PDZD8: variants seen among roughly 807,000 people sequenced by gnomAD.
PDZD8 encodes PDZ domain-containing protein 8.
A neutral mutation model predicts 85.8 loss-of-function variants in PDZD8; 14 were observed. The ratio of observed to expected loss-of-function variants is 0.16; its 90% CI spans 0.11 to 0.26. The LOEUF is 0.26. Ranked by LOEUF, PDZD8 falls within the 10% of genes least tolerant of loss-of-function variation. The pLI is 1.00. For synonymous variants in PDZD8, 592 were observed against 568.6 expected, an observed-to-expected ratio of 1.04 and a Z score of -0.59; for missense variants, 1,197 against 1,424.3, an observed-to-expected ratio of 0.84 and a Z score of 2.57.
At chr10:117,366,571 C>G (rs1271079393) in intron 1 of PDZD8, among the ~76,000 whole-genome samples, 1 of 149,528 alleles carries the variant, frequency 6.7e-6, no homozygotes, top group African/African-American at 2.5e-5. Flanking sequence ...CCACTACCAC[C>G]ACCACCACTG....
intron 4 of PDZD8, among the ~76,000 whole-genome samples, chr10:117,288,239 G>A (rs574720393): frequency 6.6e-6 from 1 of 152,050 alleles, no homozygotes; most frequent in Admixed American, 6.6e-5. Flanking sequence ...ATGAATCAAA[G>A]CGATATAAAA....
chr10:117,313,374 C>T (rs1464710332), intron 3 of PDZD8, among the ~76,000 whole-genome samples: 1 of 152,082 alleles, frequency 6.6e-6, no homozygotes, highest in Non-Finnish European at 1.5e-5. Context: ...TCAAATAAAA[C>T]ATTACTAAAA....
chr10:117,339,006 C>A (rs1417337945), intron 2 of PDZD8, among the ~76,000 whole-genome samples: 1 of 151,806 alleles, frequency 6.6e-6, no homozygotes, highest in Non-Finnish European at 1.5e-5. Context: ...CTGTACACTG[C>A]AGTTCCTTTT....
chr10:117,319,072 AT>A (rs904779172), intron 2 of PDZD8, 98 bp from the exon 3 acceptor site: 14 of 770,306 alleles, frequency 1.8e-5, no homozygotes, highest in Non-Finnish European at 2.4e-5. Context: ...ACATTACTCC[AT>A]TACTATTATA....
At chr10:117,293,666 A>ATT (rs1843705794) in intron 3 of PDZD8, among the ~76,000 whole-genome samples, 1 of 152,132 alleles carries the variant, frequency 6.6e-6, no homozygotes, top group Admixed American at 6.5e-5. Flanking sequence ...AGCAACCAAT[A>ATT]TAACTAGAAA....
intron 2 of PDZD8, among the ~76,000 whole-genome samples, chr10:117,321,369 A>G (rs1295017426): frequency 1.3e-5 from 2 of 152,180 alleles, no homozygotes; most frequent in Admixed American, 6.6e-5. Context: ...AAAAACTTCT[A>G]AGTGAAATAA....
At chr10:117,365,725 ACT>A (rs892904437) in intron 1 of PDZD8, among the ~76,000 whole-genome samples, 3 of 152,162 alleles carry the variant, frequency 2.0e-5, no homozygotes, top group African/African-American at 7.2e-5. Flanking sequence ...TTTTGAAACT[ACT>A]CTGTAAAACA....
chr10:117,361,720 A>G (rs1166963122), intron 1 of PDZD8, among the ~76,000 whole-genome samples: 1 of 152,182 alleles, frequency 6.6e-6, no homozygotes, highest in East Asian at 1.9e-4. Context: ...CTCCACGTCT[A>G]TGGGTTCTGC....
In PDZD8 at chr10:117,278,341, T is replaced by G. The variant is rs1245588470; in HGVS notation, c.*4927A>C. The G allele has an allele frequency of 6.6e-6, 1 of 152,218 alleles. No homozygotes were observed. Among genetic ancestry groups the G allele is most frequent in the African/African-American group, 2.4e-5 (1 of 41,462 alleles). The allele number at this position is 152,218 out of a possible 1,614,324, so 9.4% of individuals were successfully genotyped here. A position where few individuals can be genotyped will look rare whatever the true frequency, so the allele number is the denominator to read the frequency against. On this transcript the variant is annotated 3_prime_UTR_variant, in exon 5 of 5. Transcript: ENST00000334464. ...GAAAATGAAGAATGAAATTATGTCT[T>G]GAATCATATATTAAGAAGTAAAAAT...
intron 3 of PDZD8, among the ~76,000 whole-genome samples, chr10:117,314,917 C>T (rs763030450): frequency 2.6e-5 from 4 of 152,150 alleles, no homozygotes; most frequent in Non-Finnish European, 5.9e-5. Context: ...GAATGCAGAG[C>T]GTGGTAGGTT....
intron 3 of PDZD8, among the ~76,000 whole-genome samples, chr10:117,313,140 G>C (rs559670403): frequency 6.6e-6 from 1 of 152,084 alleles, no homozygotes; most frequent in African/African-American, 2.4e-5. Context: ...GTGTAAATCT[G>C]AAGATTATAC....
At chr10:117,340,328 C>T (rs1459105890) in intron 2 of PDZD8, among the ~76,000 whole-genome samples, 2 of 152,200 alleles carry the variant, frequency 1.3e-5, no homozygotes, top group Admixed American at 6.5e-5. Flanking sequence ...GCAAAGAACT[C>T]TGCGAAGTCA....
In PDZD8 at chr10:117,282,738, A is replaced by C. The variant is rs948200015; in HGVS notation, c.*530T>G. 2 of 152,280 alleles carry C rather than the reference A, an allele frequency of 1.3e-5. No homozygotes were observed. Among genetic ancestry groups the C allele is most frequent in the African/African-American group, 4.8e-5 (2 of 41,442 alleles). The allele number at this position is 152,280 out of a possible 1,614,324, so 9.4% of individuals were successfully genotyped here. ...AAAAACAAAACAAAAAGCACCCCCA[A>C]ACCCCCAAAATAACAAAAATCTCAA... On this transcript the variant is annotated 3_prime_UTR_variant, in exon 5 of 5. Transcript: ENST00000334464.
intron 1 of PDZD8, among the ~76,000 whole-genome samples, chr10:117,351,294 A>G (rs1275194167): frequency 6.6e-6 from 1 of 152,234 alleles, no homozygotes; most frequent in African/African-American, 2.4e-5. Flanking sequence ...ACACAGTGGA[A>G]TACTCCACAG....
intron 1 of PDZD8, among the ~76,000 whole-genome samples, chr10:117,373,968 G>A (rs1845241588): frequency 6.6e-6 from 1 of 152,214 alleles, no homozygotes; most frequent in African/African-American, 2.4e-5. Flanking sequence ...CCAAGGGGAT[G>A]CTGCAAAGCC....
At position 117,283,702 on chromosome 10, in the gene PDZD8, T is replaced by C. The variant is rs140027170; in HGVS notation, c.3031A>G (p.Ser1011Gly). ...LVRKEGGLDD[S>G]VFIAVKEIGR... ...ATTTCTTTAACTGCAATGAAAACACTGTCATCCAGACCACCCTCTTTTCTC... is the reference window on the plus strand; with the variant it reads ...ATTTCTTTAACTGCAATGAAAACACCGTCATCCAGACCACCCTCTTTTCTC... Residue 1011 changes from serine to glycine, a missense_variant, in exon 5 of 5, where the codon AGT becomes GGT. Ser to Gly is a moderately conservative substitution (Grantham distance 56). This residue lies in a region of PDZD8 where 418 missense variants were observed against 571.1 expected (regional missense o/e 0.73). Coordinates refer to ENST00000334464, the MANE Select transcript of PDZD8 (RefSeq NM_173791.5). 14 of 1,614,102 alleles carry C rather than the reference T, an allele frequency of 8.7e-6. No individual in the cohort carries two copies. The highest frequency in any genetic ancestry group is 1.2e-5 in the Non-Finnish European group (14 of 1,180,050).
At chr10:117,373,298 A>C (rs969632167) in intron 1 of PDZD8, among the ~76,000 whole-genome samples, 5 of 152,180 alleles carry the variant, frequency 3.3e-5, no homozygotes, top group Admixed American at 2.0e-4. Flanking sequence ...TTGTACAGTG[A>C]CTTCAGGTCC....
At chr10:117,285,528 A>G in intron 4 of PDZD8, 57 bp from the exon 5 acceptor site, 1 of 1,410,344 alleles carries the variant, frequency 7.1e-7, no homozygotes, top group South Asian at 1.5e-5. Flanking sequence ...AAATTACTAC[A>G]TTTGTTAAAT....
intron 1 of PDZD8, among the ~76,000 whole-genome samples, chr10:117,357,336 A>G (rs1711595690): frequency 6.6e-6 from 1 of 152,186 alleles, no homozygotes; most frequent in Admixed American, 6.5e-5. Flanking sequence ...TGGAGGTTGC[A>G]GTGAGCCAAG....
Sources: gnomAD v4.1 joint callset for allele counts (sites outside exome capture counted in the v4.1 genomes callset) on GRCh38, gnomAD v4.1.1 for gene constraint, gnomAD v4.1.1 regional missense constraint, MANE v1.5 for transcripts, NCBI Gene and HGNC (gene_info 2026-07-23, HGNC 2026-07-21) for gene names.